DIAPH2: variants seen among roughly 807,000 people sequenced by gnomAD.
DIAPH2 encodes the protein protein diaphanous homolog 2.
DIAPH2 carries 35 observed loss-of-function variants against 92.7 expected under a neutral mutation model. The ratio of observed to expected loss-of-function variants is 0.38; its 90% confidence interval spans 0.29 to 0.50. The LOEUF is 0.50. Among genes scored for constraint, DIAPH2 ranks in the 20% least tolerant of loss-of-function variants. The pLI, the probability that DIAPH2 is intolerant of heterozygous loss-of-function variation, is 0.94. For missense variants in DIAPH2, 701 were observed against 819.5 expected (o/e 0.86, Z 1.77); for synonymous variants, 301 against 280.4 (o/e 1.07, Z -0.73).
intron 26 of DIAPH2, among the ~76,000 whole-genome samples, chrX:97,583,486 G>A (rs1468845450): frequency 7.2e-5 from 8 of 111,507 alleles, no homozygotes; most frequent in African/African-American, 1.3e-4. Context: ...TAGGCTGCTC[G>A]GGGGTCAGGG....
chrX:96,998,922 G>C (rs766824915), intron 17 of DIAPH2, among the ~76,000 whole-genome samples: 1 of 112,184 alleles, frequency 8.9e-6, no homozygotes, highest in East Asian at 2.8e-4. Flanking sequence ...GTTTAAAATG[G>C]TACCTGCTGC....
rs1344368293 is a variant in DIAPH2, at chrX:96,767,104, A to G, written c.447+8846A>G. 2.7e-5 allele frequency among the ~76,000 whole-genome samples: 3 copies of G among 111,507 alleles called. No individual in the cohort carries two copies. The East Asian group carries it at 8.5e-4, about 31-fold the overall frequency. ...CCTACAGTAATATATCTGAACTCCT[A>G]TAGCACTTTATTTTTAACTCTTAGG... On this transcript the variant is annotated intron_variant, in intron 4 of 26. Transcript: ENST00000324765.
chrX:96,791,618 A>G (rs1406680298), intron 4 of DIAPH2, among the ~76,000 whole-genome samples: 1 of 106,754 alleles, frequency 9.4e-6, no homozygotes, highest in African/African-American at 3.4e-5. Flanking sequence ...AAAAACCCCT[A>G]TTTTTCAGAT....
chrX:97,084,970 T>C (rs1376947295), intron 19 of DIAPH2, among the ~76,000 whole-genome samples: 1 of 112,151 alleles, frequency 8.9e-6, no homozygotes, highest in Admixed American at 9.5e-5. Context: ...AAATTATTCA[T>C]GTCTTTGGTG....
intron 17 of DIAPH2, among the ~76,000 whole-genome samples, chrX:96,986,146 A>G (rs1342680742): frequency 1.8e-5 from 2 of 111,312 alleles, no homozygotes; most frequent in African/African-American, 6.5e-5. Flanking sequence ...AAAAACACCT[A>G]CTTATTTATA....
chrX:97,413,127 C>G (rs772123119), intron 25 of DIAPH2, among the ~76,000 whole-genome samples: 157 of 111,718 alleles, frequency 1.4e-3, no homozygotes, highest in African/African-American at 4.8e-3. Flanking sequence ...GACCAATATC[C>G]CTGATGAACA....
At chrX:97,569,161 A>G (rs1251136331) in intron 26 of DIAPH2, among the ~76,000 whole-genome samples, 2 of 111,886 alleles carry the variant, frequency 1.8e-5, no homozygotes, top group Non-Finnish European at 3.8e-5. Context: ...CATACCATAT[A>G]TAAATAAAAT....
chrX:97,056,096 G>A, intron 17 of DIAPH2, among the ~76,000 whole-genome samples: 1 of 111,289 alleles, frequency 9.0e-6, no homozygotes, highest in South Asian at 3.8e-4. Context: ...ATGCCTTGCA[G>A]TTTCATTGAT....
chrX:97,568,535 A>T (rs1482932901), intron 26 of DIAPH2, among the ~76,000 whole-genome samples: 1 of 111,261 alleles, frequency 9.0e-6, no homozygotes, highest in Non-Finnish European at 1.9e-5. Flanking sequence ...CTTCTGTATG[A>T]CTCCTTAAAT....
intron 24 of DIAPH2, among the ~76,000 whole-genome samples, chrX:97,357,096 G>C (rs1049375821): frequency 1.8e-5 from 2 of 111,716 alleles, no homozygotes; most frequent in Non-Finnish European, 3.8e-5. Context: ...TTTCACAGAA[G>C]TGTTCCCTAT....
chrX:96,910,979 A>G (rs1261853317), intron 5 of DIAPH2, among the ~76,000 whole-genome samples: 2 of 111,081 alleles, frequency 1.8e-5, no homozygotes, highest in East Asian at 2.8e-4. Flanking sequence ...GTTGGGAGAA[A>G]TGGAGTTGAG....
intron 22 of DIAPH2, among the ~76,000 whole-genome samples, chrX:97,244,025 G>A (rs1395416721): frequency 1.8e-5 from 2 of 111,689 alleles, no homozygotes. Context: ...GGAAACTGTT[G>A]TTTATGTATA....
intron 4 of DIAPH2, among the ~76,000 whole-genome samples, chrX:96,769,270 G>A (rs1362095516): frequency 8.9e-6 from 1 of 112,017 alleles, no homozygotes. Flanking sequence ...GGACGAGACC[G>A]AGTTTGGAGT....
intron 17 of DIAPH2, among the ~76,000 whole-genome samples, chrX:97,010,357 G>C: frequency 9.0e-6 from 1 of 111,009 alleles, no homozygotes; most frequent in East Asian, 2.9e-4. Context: ...AGGGATGGGG[G>C]GGATGGTGTT....
chrX:97,176,658 G>T (rs1210087501), intron 22 of DIAPH2, among the ~76,000 whole-genome samples: 4 of 110,979 alleles, frequency 3.6e-5, no homozygotes, highest in Non-Finnish European at 7.5e-5. Flanking sequence ...CTCCCGAGTA[G>T]CTGGGACTAC....
At chrX:97,291,619 G>A (rs1227571422) in intron 23 of DIAPH2, among the ~76,000 whole-genome samples, 1 of 107,686 alleles carries the variant, frequency 9.3e-6, no homozygotes, top group Non-Finnish European at 1.9e-5. Context: ...TGCAACCTCC[G>A]CCTCCTGGTT....
At chrX:97,190,556 C>G (rs764387867) in intron 22 of DIAPH2, among the ~76,000 whole-genome samples, 33 of 111,942 alleles carry the variant, frequency 2.9e-4, no homozygotes, top group African/African-American at 1.0e-3. Context: ...GTTAGCAAGA[C>G]ATTGTAAATC....
At chrX:96,749,145 A>AAAAATATAT (rs1252042191) in intron 3 of DIAPH2, among the ~76,000 whole-genome samples, 1 of 79,825 alleles carries the variant, frequency 1.3e-5, no homozygotes, top group African/African-American at 5.1e-5. Flanking sequence ...AAAAAAAAAA[A>AAAAATATAT]ATATATATAT....
At chrX:97,051,519 C>CAT (rs1569289150) in intron 17 of DIAPH2, among the ~76,000 whole-genome samples, 1 of 97,945 alleles carries the variant, frequency 1.0e-5, no homozygotes, top group Non-Finnish European at 2.1e-5. Flanking sequence ...GTTTTTTTTT[C>CAT]TTTTTTTTTT....
Sources: gnomAD v4.1 joint callset for allele counts (sites outside exome capture counted in the v4.1 genomes callset) on GRCh38, gnomAD v4.1.1 for gene constraint, MANE v1.5 for transcripts, NCBI Gene and HGNC (gene_info 2026-07-23, HGNC 2026-07-21) for gene names.